RBFOX1: variants seen among roughly 807,000 people sequenced by gnomAD.
The protein encoded by RBFOX1 is RNA binding fox-1 homolog 1.
Under a neutral mutation model 57.7 loss-of-function variants are expected in RBFOX1, and 8 were observed. The observed-to-expected ratio is 0.14, with a 90% CI of 0.08 to 0.25. RBFOX1 has a LOEUF of 0.25. Ranked by LOEUF, RBFOX1 falls within the 10% of genes least tolerant of loss-of-function variation. RBFOX1 has a pLI of 1.00. For synonymous variants in RBFOX1, 326 were observed against 222.4 expected, an observed-to-expected ratio of 1.47 and a Z score of -4.15; for missense variants, 611 against 548.5, an observed-to-expected ratio of 1.11 and a Z score of -1.14.
intron 4 of RBFOX1, among the ~76,000 whole-genome samples, chr16:7,258,407 G>C (rs73555967): frequency 0.075 from 11,432 of 152,104 alleles, 1,182 homozygotes; most frequent in African/African-American, 0.23. Flanking sequence ...GGGAAGATTT[G>C]ACATTCTGTT....
At chr16:6,976,509 A>G (rs1024730265) in intron 3 of RBFOX1, among the ~76,000 whole-genome samples, 3 of 152,070 alleles carry the variant, frequency 2.0e-5, no homozygotes, top group African/African-American at 7.2e-5. Context: ...CACACCAGAA[A>G]GAATTTGGGG....
At chr16:5,725,025 C>T (rs561281825) in intron 3 of RBFOX1, among the ~76,000 whole-genome samples, 5 of 152,144 alleles carry the variant, frequency 3.3e-5, no homozygotes, top group African/African-American at 4.8e-5. Flanking sequence ...TGGTGAAATC[C>T]AATCCGATCA....
At chr16:7,700,619 G>C (rs1568547743) in intron 14 of RBFOX1, among the ~76,000 whole-genome samples, 1 of 152,172 alleles carries the variant, frequency 6.6e-6, no homozygotes, top group South Asian at 2.1e-4. Context: ...ACAAACAAAG[G>C]AGAAATGAAA....
At chr16:6,059,823 A>T (rs1330338485) in intron 1 of RBFOX1, among the ~76,000 whole-genome samples, 2 of 152,196 alleles carry the variant, frequency 1.3e-5, no homozygotes, top group Non-Finnish European at 2.9e-5. Context: ...TTCACCACTT[A>T]AAGAGCATTT....
chr16:5,860,421 G>C (rs2151885170), intron 3 of RBFOX1, among the ~76,000 whole-genome samples: 1 of 152,232 alleles, frequency 6.6e-6, no homozygotes, highest in African/African-American at 2.4e-5. Flanking sequence ...TTCTGTTTGT[G>C]CCTGTGAAAA....
At chr16:5,971,053 C>G (rs114373368) in intron 4 of RBFOX1, among the ~76,000 whole-genome samples, 12 of 152,352 alleles carry the variant, frequency 7.9e-5, no homozygotes, top group African/African-American at 2.9e-4. Flanking sequence ...TGTGAGCTGA[C>G]ATGACAGTGT....
At chr16:7,216,997 TCCCTCCCTC>T in intron 4 of RBFOX1, among the ~76,000 whole-genome samples, 1 of 98,280 alleles carries the variant, frequency 1.0e-5, no homozygotes, top group African/African-American at 4.6e-5. Context: ...CCTTCCTTCC[TCCCTCCCTC>T]CCTTCCCTCC....
intron 4 of RBFOX1, among the ~76,000 whole-genome samples, chr16:6,012,188 T>C (rs2094965301): frequency 6.6e-6 from 1 of 152,248 alleles, no homozygotes; most frequent in African/African-American, 2.4e-5. Context: ...AGCAAATGTC[T>C]TCATTTCTCT....
chr16:5,885,963 T>G (rs1292808248), intron 4 of RBFOX1, among the ~76,000 whole-genome samples: 1 of 152,132 alleles, frequency 6.6e-6, no homozygotes, highest in African/African-American at 2.4e-5. Context: ...GTGGGTGGAT[T>G]TCTCTGTTGC....
At chr16:7,043,670 C>T (rs2046925024) in intron 3 of RBFOX1, among the ~76,000 whole-genome samples, 1 of 152,146 alleles carries the variant, frequency 6.6e-6, no homozygotes, top group South Asian at 2.1e-4. Flanking sequence ...ACTGGATTTT[C>T]CAACATTCTA....
chr16:5,743,037 T>C (rs762808856), intron 3 of RBFOX1, among the ~76,000 whole-genome samples: 22 of 152,210 alleles, frequency 1.4e-4, no homozygotes, highest in Non-Finnish European at 2.6e-4. Flanking sequence ...CTCCGCTTAC[T>C]ATTAGCCTGT....
intron 1 of RBFOX1, among the ~76,000 whole-genome samples, chr16:6,187,286 A>G (rs1023693262): frequency 6.6e-6 from 1 of 152,002 alleles, no homozygotes; most frequent in African/African-American, 2.4e-5. Flanking sequence ...TTTCTTGGAG[A>G]GATGCTTTGG....
intron 2 of RBFOX1, among the ~76,000 whole-genome samples, chr16:6,414,587 G>A (rs2093567679): frequency 6.6e-6 from 1 of 152,142 alleles, no homozygotes; most frequent in African/African-American, 2.4e-5. Flanking sequence ...TTAAGCAAAG[G>A]GGTCTCATTC....
intron 1 of RBFOX1, among the ~76,000 whole-genome samples, chr16:6,065,022 T>C (rs1349482832): frequency 1.3e-5 from 2 of 151,784 alleles, no homozygotes; most frequent in African/African-American, 4.8e-5. Context: ...TTTCTTTCTT[T>C]CTTTCTTTTT....
chr16:7,691,110 G>A (rs2077217494), intron 14 of RBFOX1, among the ~76,000 whole-genome samples: 1 of 152,100 alleles, frequency 6.6e-6, no homozygotes, highest in Non-Finnish European at 1.5e-5. Flanking sequence ...GATTGTTTAT[G>A]TGGATTAAAA....
At chr16:5,575,081 G>C (rs2046409319) in intron 2 of RBFOX1, among the ~76,000 whole-genome samples, 1 of 152,160 alleles carries the variant, frequency 6.6e-6, no homozygotes, top group East Asian at 1.9e-4. Flanking sequence ...TCTCCTGAAG[G>C]ATTTCCCATT....
intron 3 of RBFOX1, among the ~76,000 whole-genome samples, chr16:5,704,155 G>T (rs1747265460): frequency 6.6e-6 from 1 of 152,124 alleles, no homozygotes; most frequent in Non-Finnish European, 1.5e-5. Flanking sequence ...CAAGAAGAGG[G>T]GAGGTCCCAA....
intron 3 of RBFOX1, among the ~76,000 whole-genome samples, chr16:6,970,453 G>T (rs1001635805): frequency 6.6e-6 from 1 of 152,130 alleles, no homozygotes; most frequent in Non-Finnish European, 1.5e-5. Flanking sequence ...CCTGGGTAAT[G>T]TATCAACAAT....
At chr16:5,723,148 C>G (rs996323377) in intron 3 of RBFOX1, among the ~76,000 whole-genome samples, 1 of 152,186 alleles carries the variant, frequency 6.6e-6, no homozygotes, top group African/African-American at 2.4e-5. Flanking sequence ...CTGGACCACC[C>G]TTCCTGCTAC....
Sources: gnomAD v4.1 joint callset for allele counts (sites outside exome capture counted in the v4.1 genomes callset) on GRCh38, gnomAD v4.1.1 for gene constraint, MANE v1.5 for transcripts, NCBI Gene and HGNC (gene_info 2026-07-23, HGNC 2026-07-21) for gene names.